Variants in EEF2 observed in about 807,000 individuals in gnomAD.
The protein encoded by EEF2 is elongation factor 2.
In EEF2, 21 loss-of-function variants were observed where a neutral mutation model predicts 85.3. That is an observed-to-expected ratio of 0.25 (90% confidence interval 0.17 to 0.35). The LOEUF (loss-of-function observed/expected upper bound fraction) is 0.35, where lower values mean the gene tolerates loss of function less well. Ranked by LOEUF, EEF2 falls within the 10% of genes least tolerant of loss-of-function variation. EEF2 has a pLI of 1.00. For synonymous variants in EEF2, 723 were observed against 508.8 expected (o/e 1.42, Z -5.67); for missense variants, 825 against 1,225.3 (o/e 0.67, Z 4.88).
rs766965840 is a variant in EEF2 at position 3,978,164 on chromosome 19, G to A, written c.1722C>T (p.Asp574=). The change falls in exon 12 of 15, where the codon GAC becomes GAT. Residue 574 remains aspartate, a synonymous_variant. Coordinates refer to ENST00000309311, the MANE Select transcript of EEF2 (RefSeq NM_001961.4). ...CCGTCTCGCGGTACGAGACGACCGG[G>A]TCAGATTTCTGCAAAAAGAGGTTAA... ...DHACIPIKKS[D]PVVSYRETVS... 11 of 1,444,462 alleles carry A rather than the reference G, an allele frequency of 7.6e-6. No homozygotes were observed. The highest frequency in any genetic ancestry group is 1.8e-4 in the Middle Eastern group (1 of 5,516). 89.5% of individuals were successfully genotyped at this position (1,444,462 alleles called of 1,614,324 possible).
chr19:3,983,802 G>A (rs2039785625), intron 2 of EEF2: 1 of 400,376 alleles, frequency 2.5e-6, no homozygotes, highest in African/African-American at 2.0e-5. Flanking sequence ...CAACACAGGA[G>A]CTTCCCAGCG....
chr19:3,976,636 C>T lies in EEF2; in HGVS notation c.2495G>A (p.Ser832Asn). 1 of 1,609,984 alleles carries T rather than the reference C, an allele frequency of 6.2e-7. No homozygotes were observed. Among genetic ancestry groups the T allele is most frequent in the Non-Finnish European group, 8.5e-7 (1 of 1,178,640 alleles). Residue 832 changes from serine (S) to asparagine (N), a missense_variant, in exon 15 of 15, where the codon AGC becomes AAC. Ser to Asn is a conservative substitution (Grantham distance 46, BLOSUM62 1). Transcript: ENST00000309311. The stretch of plus-strand genomic sequence containing the variant: ...CTTGCGGGTCTCCGCCACCACCTGG[C>T]TGGGGCGGCTGCTGTTGTCGAAGGG... ...GDPFDNSSRP[S>N]QVVAETRKRK...
Position 3,982,428 on chromosome 19 carries a change from G to A in EEF2, c.613-4C>T, listed in dbSNP as rs933795495. 5 of 1,614,010 alleles carry A rather than the reference G, an allele frequency of 3.1e-6. No individual in the cohort carries two copies. Among genetic ancestry groups the A allele is most frequent in the Non-Finnish European group, 4.2e-6 (5 of 1,180,040 alleles). On this transcript the variant is annotated splice_region_variant and splice_polypyrimidine_tract_variant and intron_variant, in intron 4 of 14. Transcript: ENST00000309311. ...CGGTACCGAGGACAGGATCGATCTG[G>A]AAGTGTGAGAAACGAGAAGCAGCCG...
chr19:3,979,252 C>G, intron 11 of EEF2, 77 bp downstream of exon 11: 1 of 1,180,720 alleles, frequency 8.5e-7, no homozygotes, highest in Non-Finnish European at 1.3e-6. Context: ...TCTGCAGAGC[C>G]TAGCTCAGCT....
intron 10 of EEF2, 23 bp from the exon 11 acceptor site, chr19:3,979,459 C>T: frequency 1.2e-6 from 2 of 1,603,442 alleles, no homozygotes; most frequent in South Asian, 2.2e-5. Flanking sequence ...CGGGTCAGCA[C>T]CAAAGGGGTA....
chr19:3,976,905 A>C (rs2039686042), intron 14 of EEF2, among the ~76,000 whole-genome samples, 158 bp from the exon 15 acceptor site: 1 of 152,206 alleles, frequency 6.6e-6, no homozygotes, highest in South Asian at 2.1e-4. Context: ...CTAGCAGGCC[A>C]CTCATGGGCC....
rs1010368063 is a variant in EEF2, at chr19:3,984,510, G to A, written c.4-160C>T. Among the ~76,000 whole-genome samples, 3 of 152,160 alleles carry A rather than the reference G, an allele frequency of 2.0e-5. No homozygotes were observed. In the East Asian group the frequency reaches 5.8e-4, roughly 29 times the overall value. On this transcript the variant is annotated intron_variant, in intron 1 of 14. Transcript: ENST00000309311. ...ATCTTGCCAGCCTAACACCCCTTAA[G>A]AGCCACCCCGCAATCTCCAAGGAAC...
At position 3,979,960 on chromosome 19, in the gene EEF2, T is replaced by C. The variant is rs200110903; in HGVS notation, c.1453A>G (p.Ile485Val). 2.2e-4 allele frequency: 355 copies of C among 1,613,830 alleles called. 1 individual carries two copies. The highest frequency in any genetic ancestry group is 2.8e-4 in the Non-Finnish European group (334 of 1,180,050). ...VDQFLVKTGT[I>V]TTFEHAHNMR... Reference sequence around the variant, plus strand: ...TTGTGCGCGTGCTCGAAGGTGGTGATGGTGCCCGTCTTCACCAGGAACTGG... The same window carrying C: ...TTGTGCGCGTGCTCGAAGGTGGTGACGGTGCCCGTCTTCACCAGGAACTGG... Residue 485 changes from isoleucine to valine, a missense_variant, in exon 10 of 15, where the codon ATC (isoleucine) becomes GTC (valine). By Grantham distance (29) the Ile-to-Val change is conservative. Coordinates refer to ENST00000309311, the MANE Select transcript of EEF2 (RefSeq NM_001961.4).
In EEF2 at chr19:3,976,642, C is replaced by T. The variant is rs758028986; in HGVS notation, c.2489G>A (p.Arg830His). The change falls in exon 15 of 15, where the codon CGC becomes CAC. Residue 830 changes from arginine (R) to histidine (H), a missense_variant. Coordinates refer to ENST00000309311, the MANE Select transcript of EEF2 (RefSeq NM_001961.4). ...GGTCTCCGCCACCACCTGGCTGGGG[C>T]GGCTGCTGTTGTCGAAGGGGTCTCC... is the stretch of plus-strand genomic sequence containing the variant. ...LPGDPFDNSS[R>H]PSQVVAETRK... The T allele has an allele frequency of 1.2e-5, 20 of 1,609,738 alleles. No individual in the cohort carries two copies. The highest frequency in any genetic ancestry group is 2.2e-5 in the East Asian group (1 of 44,780).
Position 3,982,274 on chromosome 19 carries a change from C to A in EEF2, c.763G>T (p.Asp255Tyr). Residue 255 changes from aspartate to tyrosine, a missense_variant, in exon 5 of 15, where the codon GAC (aspartate) becomes TAC (tyrosine). Transcript: ENST00000309311. ...GPAERAKKVE[D>Y]MMKKLWGDRY... ...TCACCCCACAGCTTCTTCATCATGT[C>A]CTCTACTTTCTTGGCCCGCTCGGCA... 6.2e-7 allele frequency: 1 copy of A among 1,614,228 alleles called. No homozygotes were observed. The highest frequency in any genetic ancestry group is 8.5e-7 in the Non-Finnish European group (1 of 1,180,044).
chr19:3,983,640 C>G (rs570101485), intron 2 of EEF2, among the ~76,000 whole-genome samples: 1 of 152,210 alleles, frequency 6.6e-6, no homozygotes, highest in South Asian at 2.1e-4. Flanking sequence ...CTCCTCACTT[C>G]TGCCCCTGCT....
intron 1 of EEF2, 119 bp downstream of exon 1, chr19:3,985,259 C>G (rs1416038695): frequency 1.7e-6 from 2 of 1,174,692 alleles, no homozygotes. Flanking sequence ...GGTCCTCCGG[C>G]CCCGCCGCCG....
intron 5 of EEF2, 39 bp downstream of exon 5, chr19:3,982,207 A>G (rs1164068897): frequency 6.8e-6 from 11 of 1,609,930 alleles, no homozygotes; most frequent in Non-Finnish European, 7.6e-6. Flanking sequence ...CACTACCCCC[A>G]GGTGTCAGGA....
rs758884682 is a variant in EEF2, at chr19:3,977,586, G to A, written c.2092C>T (p.Arg698Trp). The A allele has an allele frequency of 4.5e-6, 7 of 1,549,478 alleles. No homozygotes were observed. Among genetic ancestry groups the A allele is most frequent in the East Asian group, 2.3e-5 (1 of 44,292 alleles). ...TCGTGGACGTCGAAGCGCACACCCC[G>A]CATGTTCTCCTCACACAGTGCGCCC... ...KEGALCEENM[R>W]GVRFDVHDVT... Residue 698 changes from arginine to tryptophan, a missense_variant, in exon 13 of 15, where the codon CGG becomes TGG. Physicochemically the swap from Arg to Trp is moderately radical, Grantham distance 101. Transcript: ENST00000309311. The surrounding 1 kb of genome is among the most constrained non-coding windows in gnomAD (Gnocchi z 5.4).
In EEF2 at chr19:3,978,781, C is replaced by A. The variant is rs190897121; in HGVS notation, c.1713+548G>T. ...TCACGCCATTGCACTCCAGCCTAAG[C>A]AACAGAGCAAGACTCTTGTCTCAAA... is the stretch of plus-strand genomic sequence containing the variant. On this transcript the variant is annotated intron_variant, in intron 11 of 14. Transcript: ENST00000309311. 3.0e-5 allele frequency among the ~76,000 whole-genome samples: 3 copies of A among 98,918 alleles called. No individual in the cohort carries two copies. The East Asian group carries it at 1.0e-3, about 34-fold the overall frequency. The allele number at this position is 98,918 out of a possible 152,430, so 64.9% of individuals were successfully genotyped here. A position where few individuals can be genotyped will look rare whatever the true frequency, so the allele number is the denominator to read the frequency against.
At position 3,980,983 on chromosome 19, in the gene EEF2, C is replaced by A. The variant is rs772203410; in HGVS notation, c.1012-4G>T. On this transcript the variant is annotated splice_region_variant and splice_polypyrimidine_tract_variant and intron_variant, in intron 7 of 14. Transcript: ENST00000309311. ...GCAGCCAGCGGCGCATCACAGCCTGCGGGGGCAGAGAGCGGTGCATGAGAC... is the reference window on the plus strand; with the variant it reads ...GCAGCCAGCGGCGCATCACAGCCTGAGGGGGCAGAGAGCGGTGCATGAGAC... 5 of 1,568,610 alleles carry A rather than the reference C, an allele frequency of 3.2e-6. No homozygotes were observed. The South Asian group carries it at 3.5e-5, about 11-fold the overall frequency.
Position 3,979,927 on chromosome 19 carries a change from C to A in EEF2, c.1486G>T (p.Val496Leu), listed in dbSNP as rs1279172488. 5 of 1,613,828 alleles carry A rather than the reference C, an allele frequency of 3.1e-6. No individual in the cohort carries two copies. In the African/African-American group the frequency reaches 5.3e-5, roughly 17 times the overall value. ...ACAGGGCTGACGCTGAACTTCATCA[C>A]CCGCATGTTGTGCGCGTGCTCGAAG... ...TTFEHAHNMR[V>L]MKFSVSPVVR... Residue 496 changes from valine to leucine, a missense_variant, in exon 10 of 15, where the codon GTG (valine) becomes TTG (leucine). Transcript: ENST00000309311.
chr19:3,976,324 T>TA lies in EEF2; in HGVS notation c.*229dup. The TA allele has an allele frequency of 2.8e-6, 1 of 358,678 alleles. No individual in the cohort carries two copies. The highest frequency in any genetic ancestry group is 5.2e-6 in the Non-Finnish European group (1 of 193,164). 22.2% of individuals were successfully genotyped at this position (358,678 alleles called of 1,614,324 possible). Reference sequence around the variant, plus strand: ...GCCTCCCCCTCCCCGACCGGCCCATTAAGTCCCTACTAAGAGGGCGTGTCT... The same window carrying TA: ...GCCTCCCCCTCCCCGACCGGCCCATTAAAGTCCCTACTAAGAGGGCGTGTCT... On this transcript the variant is annotated 3_prime_UTR_variant, in exon 15 of 15. Coordinates refer to ENST00000309311, the MANE Select transcript of EEF2 (RefSeq NM_001961.4).
rs138510259 is a variant in EEF2 at position 3,982,992 on chromosome 19, G to A, written c.427C>T (p.Leu143=). Residue 143 remains leucine (L), a synonymous_variant, in exon 4 of 15, where the codon CTG becomes TTG. Transcript: ENST00000309311. ...SGVCVQTETV[L]RQAIAERIKP... The stretch of plus-strand genomic sequence containing the variant: ...ATGCGCTCGGCAATGGCCTGCCGCA[G>A]CACTGTCTCCGTCTGCACGCACACG... The A allele has an allele frequency of 2.8e-5, 45 of 1,612,502 alleles. No individual in the cohort carries two copies. The highest frequency in any genetic ancestry group is 4.0e-5 in the African/African-American group (3 of 74,922).
Sources: gnomAD v4.1 joint callset for allele counts (sites outside exome capture counted in the v4.1 genomes callset) on GRCh38, gnomAD v4.1.1 for gene constraint, Gnocchi (gnomAD v3.1) non-coding constraint, MANE v1.5 for transcripts, NCBI Gene and HGNC (gene_info 2026-07-23, HGNC 2026-07-21) for gene names.